The following NCOA2 variants were observed in gnomAD, a reference collection of about 807,000 sequenced individuals.
NCOA2 encodes the protein class E basic helix-loop-helix protein 75.
In NCOA2, 21 loss-of-function variants were observed where a neutral mutation model predicts 145.1. That is an observed-to-expected ratio of 0.14 (90% CI 0.10 to 0.21). The LOEUF is 0.21. NCOA2 is among the 10% of genes least tolerant of loss of function. The pLI is 1.00. For missense variants in NCOA2, 1,472 were observed against 1,837.6 expected, an observed-to-expected ratio of 0.80 and a Z score of 3.64; for synonymous variants, 619 against 637.5, an observed-to-expected ratio of 0.97 and a Z score of 0.44.
At chr8:70,287,865 A>G (rs556582011) in intron 2 of NCOA2, among the ~76,000 whole-genome samples, 2 of 152,320 alleles carry the variant, frequency 1.3e-5, no homozygotes, top group South Asian at 4.1e-4. Context: ...CTATAATGAC[A>G]AAGTCAGCCT....
intron 1 of NCOA2, among the ~76,000 whole-genome samples, chr8:70,326,017 C>T (rs1320952425): frequency 2.0e-5 from 3 of 152,212 alleles, no homozygotes. Flanking sequence ...CTCCTCACCT[C>T]TTCACAACTG....
chr8:70,212,394 G>T (rs768952414), intron 4 of NCOA2, among the ~76,000 whole-genome samples: 1 of 152,120 alleles, frequency 6.6e-6, no homozygotes, highest in African/African-American at 2.4e-5. Flanking sequence ...AAAGAAAGAC[G>T]AGTGATGAAG....
At chr8:70,343,421 G>T (rs1027392201) in intron 1 of NCOA2, among the ~76,000 whole-genome samples, 1 of 151,626 alleles carries the variant, frequency 6.6e-6, no homozygotes, top group East Asian at 1.9e-4. Context: ...TAAAATGGGT[G>T]ACCAACTTGA....
intron 2 of NCOA2, chr8:70,273,898 G>A: frequency 2.0e-6 from 1 of 498,384 alleles, no homozygotes; most frequent in Non-Finnish European, 3.9e-6. Context: ...GAAGTTACTG[G>A]GAGCTGCTAT....
At chr8:70,280,022 G>C (rs1250772252) in intron 2 of NCOA2, among the ~76,000 whole-genome samples, 1 of 152,200 alleles carries the variant, frequency 6.6e-6, no homozygotes, top group Non-Finnish European at 1.5e-5. Flanking sequence ...CAGCCAAGGA[G>C]TCCATGACTA....
intron 1 of NCOA2, among the ~76,000 whole-genome samples, chr8:70,367,383 GT>G (rs1295275309): frequency 1.3e-5 from 2 of 152,154 alleles, no homozygotes; most frequent in Non-Finnish European, 2.9e-5. Context: ...GGGAATAATA[GT>G]ATTAAGTACT....
Position 70,141,343 on chromosome 8 carries a change from G to T in NCOA2, c.2869C>A (p.Gln957Lys). ...CAGGTGACTCTCACAGCCGAACTCT[G>T]CGGTGCCCATTCTCCAGATGGCATA... ...PTMPSGEWAP[Q>K]SSAVRVTCAA... The change falls in exon 14 of 23, where the codon CAG becomes AAG. Residue 957 changes from glutamine (Q) to lysine (K), a missense_variant. By Grantham distance (53) the Gln-to-Lys change is moderately conservative. Transcript: ENST00000452400. 6.2e-7 allele frequency: 1 copy of T among 1,613,932 alleles called. No homozygotes were observed. Among genetic ancestry groups the T allele is most frequent in the Non-Finnish European group, 8.5e-7 (1 of 1,179,874 alleles).
chr8:70,232,070 T>C (rs1821187268), intron 2 of NCOA2, among the ~76,000 whole-genome samples: 1 of 152,206 alleles, frequency 6.6e-6, no homozygotes. Flanking sequence ...AATCATGCCC[T>C]GAACCTTGTT....
chr8:70,266,850 G>A (rs1824638704), intron 2 of NCOA2, among the ~76,000 whole-genome samples: 2 of 152,098 alleles, frequency 1.3e-5, no homozygotes, highest in South Asian at 2.1e-4. Flanking sequence ...ATACTGTTTT[G>A]CTCTTTTTGT....
At chr8:70,414,611 T>C in the NCOA2 span, among the ~76,000 whole-genome samples, 2 of 152,224 alleles carry the variant, frequency 1.3e-5, no homozygotes, top group Non-Finnish European at 2.9e-5. Context: ...ATGATGGTTA[T>C]GTTTTATTAC....
chr8:70,429,015 A>G, the NCOA2 span, among the ~76,000 whole-genome samples: 281 of 152,330 alleles, frequency 1.8e-3, no homozygotes, highest in African/African-American at 6.0e-3. Flanking sequence ...ACTATTTTGG[A>G]GTCTCTGCAT....
At chr8:70,131,065 A>C (rs1043713957) in intron 16 of NCOA2, among the ~76,000 whole-genome samples, 4 of 152,220 alleles carry the variant, frequency 2.6e-5, no homozygotes, top group Admixed American at 2.6e-4. Flanking sequence ...AGATTAGTTA[A>C]CTTTTTTATA....
At chr8:70,223,633 T>C (rs748681439) in intron 2 of NCOA2, among the ~76,000 whole-genome samples, 8 of 152,062 alleles carry the variant, frequency 5.3e-5, no homozygotes, top group Non-Finnish European at 8.8e-5. Context: ...ATCCATGGAG[T>C]GTTTCTACAT....
At chr8:70,452,843 A>G in the NCOA2 span, among the ~76,000 whole-genome samples, 7 of 152,226 alleles carry the variant, frequency 4.6e-5, no homozygotes, top group South Asian at 1.4e-3. Context: ...TAGGGCAATT[A>G]GAAGGGAGTA....
Position 70,227,492 on chromosome 8 carries a change from C to T in NCOA2, c.-19-10728G>A, listed in dbSNP as rs1442854559. Among the ~76,000 whole-genome samples the T allele has an allele frequency of 3.9e-5, 6 of 152,156 alleles. No individual in the cohort carries two copies. The East Asian group carries it at 1.2e-3, about 29-fold the overall frequency. On this transcript the variant is annotated intron_variant, in intron 2 of 22. Transcript: ENST00000452400. ...GCTCTTTTCTCTGTTTTCCACCACA[C>T]TTCTACAGTGGTAAAAAATAACAAG...
At chr8:70,420,616 G>A in the NCOA2 span, among the ~76,000 whole-genome samples, 1 of 152,092 alleles carries the variant, frequency 6.6e-6, no homozygotes, top group African/African-American at 2.4e-5. Flanking sequence ...GCTGGGGGTG[G>A]CTGGAGACAG....
chr8:70,189,237 T>G (rs1441972313), intron 4 of NCOA2, among the ~76,000 whole-genome samples: 3 of 152,230 alleles, frequency 2.0e-5, no homozygotes, highest in African/African-American at 2.4e-5. Context: ...CCACTGAATT[T>G]ACTGGATAGT....
rs1311410515 is a variant in NCOA2, at chr8:70,225,392, T to TA, written c.-19-8629dup. Among the ~76,000 whole-genome samples the TA allele has an allele frequency of 2.6e-5, 4 of 151,570 alleles. No homozygotes were observed. In the East Asian group the frequency reaches 7.8e-4, roughly 30 times the overall value. On this transcript the variant is annotated intron_variant, in intron 2 of 22. Coordinates refer to ENST00000452400, the MANE Select transcript of NCOA2 (RefSeq NM_006540.4). ...GTGAAACCCGCCTCTACTAAAAAAA[T>TA]ACAAAAATTAGCCGGGTGTGTTGGC...
At chr8:70,246,666 A>G (rs1822651489) in intron 2 of NCOA2, among the ~76,000 whole-genome samples, 1 of 151,872 alleles carries the variant, frequency 6.6e-6, no homozygotes, top group Non-Finnish European at 1.5e-5. Flanking sequence ...GATCTCCTGA[A>G]CTTTTTCATC....
Sources: allele counts gnomAD v4.1 joint callset (sites outside exome capture counted in the v4.1 genomes callset), GRCh38; gene constraint gnomAD v4.1.1; transcripts MANE v1.5; gene names NCBI Gene and HGNC (gene_info 2026-07-23, HGNC 2026-07-21).